The following FHIT variants were observed in gnomAD, a reference collection of about 807,000 sequenced individuals.
The protein encoded by FHIT is fragile histidine triad diadenosine triphosphatase.
In FHIT, 19 loss-of-function variants were observed where a neutral mutation model predicts 17.9. The ratio of observed to expected loss-of-function variants is 1.06; its 90% CI spans 0.74 to 1.56. FHIT has a LOEUF of 1.56. Among genes scored for constraint, FHIT ranks in the 40% most tolerant of loss-of-function variants. The probability of loss-of-function intolerance (pLI) is 0.00; values close to 1 mark genes in which losing one functional copy is unlikely to be tolerated. For missense variants in FHIT, 248 were observed against 189.2 expected, an observed-to-expected ratio of 1.31 and a Z score of -1.82; for synonymous variants, 81 against 69.7, an observed-to-expected ratio of 1.16 and a Z score of -0.81.
chr3:60,051,234 G>A (rs955953114), intron 5 of FHIT, among the ~76,000 whole-genome samples: 2 of 151,934 alleles, frequency 1.3e-5, no homozygotes, highest in African/African-American at 2.4e-5. Context: ...AATTTAGCCT[G>A]AGGCTGTCTC....
At chr3:60,426,717 C>T (rs1420088920) in intron 5 of FHIT, among the ~76,000 whole-genome samples, 1 of 152,112 alleles carries the variant, frequency 6.6e-6, no homozygotes, top group East Asian at 1.9e-4. Flanking sequence ...ACTTCCTAGG[C>T]TCTGTCATTG....
intron 4 of FHIT, among the ~76,000 whole-genome samples, chr3:60,672,107 T>C (rs2040519546): frequency 6.6e-6 from 1 of 152,324 alleles, no homozygotes; most frequent in Middle Eastern, 3.4e-3. Flanking sequence ...ATAACATATA[T>C]TTGTATTCCT....
chr3:60,654,923 G>A (rs964582603), intron 4 of FHIT, among the ~76,000 whole-genome samples: 15 of 152,286 alleles, frequency 9.8e-5, no homozygotes, highest in African/African-American at 3.6e-4. Flanking sequence ...GTGAAGAAAA[G>A]GGTATTGAGT....
intron 5 of FHIT, among the ~76,000 whole-genome samples, chr3:60,378,043 T>C (rs1700646437): frequency 6.6e-6 from 1 of 152,118 alleles, no homozygotes; most frequent in Admixed American, 6.5e-5. Context: ...TGTTTGTTTT[T>C]TGAGACAGAG....
intron 8 of FHIT, among the ~76,000 whole-genome samples, chr3:59,824,573 A>C (rs1700911079): frequency 6.6e-6 from 1 of 152,234 alleles, no homozygotes. Flanking sequence ...ACTTATATTA[A>C]ATAAATTGGG....
chr3:60,145,206 G>A (rs987374855), intron 5 of FHIT, among the ~76,000 whole-genome samples: 36 of 152,050 alleles, frequency 2.4e-4, no homozygotes, highest in African/African-American at 6.0e-4. Flanking sequence ...CACAGACCTC[G>A]GTGTTATTGG....
intron 5 of FHIT, among the ~76,000 whole-genome samples, chr3:60,411,207 G>C (rs997437163): frequency 1.3e-5 from 2 of 152,052 alleles, no homozygotes; most frequent in South Asian, 4.1e-4. Flanking sequence ...GAAAAATCTT[G>C]AACTAGTTCT....
intron 2 of FHIT, among the ~76,000 whole-genome samples, chr3:61,127,184 C>G: frequency 6.6e-6 from 1 of 152,146 alleles, no homozygotes; most frequent in South Asian, 2.1e-4. Flanking sequence ...TGAAGAAAGA[C>G]CCCTTATGAG....
At chr3:60,198,054 T>C (rs989373572) in intron 5 of FHIT, among the ~76,000 whole-genome samples, 2 of 152,134 alleles carry the variant, frequency 1.3e-5, no homozygotes, top group African/African-American at 2.4e-5. Context: ...GAATTAAAAA[T>C]ACATTAGTTC....
At position 59,864,980 on chromosome 3, in the gene FHIT, C is replaced by T. The variant is rs568438695; in HGVS notation, c.348+57366G>A. Among the ~76,000 whole-genome samples the T allele has an allele frequency of 2.0e-5, 3 of 152,254 alleles. No homozygotes were observed. In the South Asian group the frequency reaches 6.2e-4, roughly 32 times the overall value. ...TTCAGGCTCATAATTAGTTGTATTACTACTACTGTCACTGCTAATTAATGA... is the reference window on the plus strand; with the variant it reads ...TTCAGGCTCATAATTAGTTGTATTATTACTACTGTCACTGCTAATTAATGA... On this transcript the variant is annotated intron_variant, in intron 8 of 9. Transcript: ENST00000492590.
chr3:59,960,942 T>C (rs186507543), intron 7 of FHIT, among the ~76,000 whole-genome samples: 1 of 152,328 alleles, frequency 6.6e-6, no homozygotes, highest in East Asian at 1.9e-4. Flanking sequence ...CAGCAAGGAA[T>C]AGATTAAATT....
intron 1 of FHIT, among the ~76,000 whole-genome samples, chr3:61,217,391 A>G (rs2039713692): frequency 6.6e-6 from 1 of 152,168 alleles, no homozygotes; most frequent in South Asian, 2.1e-4. Context: ...GTTGTTGCTC[A>G]GGGTTAGCTG....
chr3:60,616,015 G>A (rs1256611425), intron 4 of FHIT, among the ~76,000 whole-genome samples: 10 of 152,120 alleles, frequency 6.6e-5, no homozygotes, highest in East Asian at 1.9e-4. Context: ...TTTCCTTATC[G>A]AAACTCTGAT....
rs1273229942 is a variant in FHIT, at chr3:60,849,618, A to T, written c.-110-27607T>A. On this transcript the variant is annotated intron_variant, in intron 3 of 9. Transcript: ENST00000492590. ...TGAAAAATTGATTGATTCCGATCTGATCTCTAAAAAGAGCAGTCTGATTTA... is the reference window on the plus strand; with the variant it reads ...TGAAAAATTGATTGATTCCGATCTGTTCTCTAAAAAGAGCAGTCTGATTTA... Among the ~76,000 whole-genome samples the T allele has an allele frequency of 2.0e-5, 3 of 151,944 alleles. No homozygotes were observed. In the East Asian group the frequency reaches 5.8e-4, roughly 29 times the overall value.
intron 3 of FHIT, among the ~76,000 whole-genome samples, chr3:61,006,826 C>T (rs2031483401): frequency 6.6e-6 from 1 of 151,812 alleles, no homozygotes; most frequent in South Asian, 2.1e-4. Flanking sequence ...ATATACATGG[C>T]TAAGTTCAAA....
chr3:60,797,879 A>G (rs73107633), intron 4 of FHIT, among the ~76,000 whole-genome samples: 7,567 of 152,108 alleles, frequency 0.05, 193 homozygotes, highest in South Asian at 0.086. Context: ...ATAATTTTGA[A>G]TATTGTGCAA....
At chr3:60,498,465 C>G (rs994391303) in intron 5 of FHIT, among the ~76,000 whole-genome samples, 2 of 152,234 alleles carry the variant, frequency 1.3e-5, no homozygotes, top group East Asian at 1.9e-4. Flanking sequence ...CATATTGTAT[C>G]TTCAACTAAG....
At chr3:59,918,844 C>T (rs532895613) in intron 8 of FHIT, among the ~76,000 whole-genome samples, 2 of 152,176 alleles carry the variant, frequency 1.3e-5, no homozygotes, top group South Asian at 4.1e-4. Context: ...AAGCAAATCA[C>T]CAAAAATACT....
chr3:60,431,471 T>C (rs981564083), intron 5 of FHIT, among the ~76,000 whole-genome samples: 1 of 152,090 alleles, frequency 6.6e-6, no homozygotes, highest in African/African-American at 2.4e-5. Context: ...GACCTATCTC[T>C]TGCCGACAGC....
Sources: allele counts gnomAD v4.1 joint callset (sites outside exome capture counted in the v4.1 genomes callset), GRCh38; gene constraint gnomAD v4.1.1; transcripts MANE v1.5; gene names NCBI Gene and HGNC (gene_info 2026-07-23, HGNC 2026-07-21).